The following ABTB3 variants were observed in gnomAD, a reference collection of about 807,000 sequenced individuals.
ABTB3 encodes the protein ankyrin repeat- and BTB/POZ domain-containing protein 3.
the ABTB3 span, among the ~76,000 whole-genome samples, chr12:107,648,625 G>A: frequency 3.9e-5 from 6 of 152,114 alleles, no homozygotes; most frequent in Admixed American, 1.3e-4. Flanking sequence ...CATTGACATC[G>A]TTAGTGATAC....
At chr12:107,436,302 G>C in the ABTB3 span, among the ~76,000 whole-genome samples, 3 of 152,204 alleles carry the variant, frequency 2.0e-5, no homozygotes, top group African/African-American at 7.2e-5. Flanking sequence ...GCAGCTTATT[G>C]ACCGGTCTCT....
chr12:107,590,082 G>T, the ABTB3 span, among the ~76,000 whole-genome samples: 1 of 152,004 alleles, frequency 6.6e-6, no homozygotes, highest in Admixed American at 6.6e-5. Flanking sequence ...GTTAATTCTT[G>T]TATTTTTTTT....
the ABTB3 span, among the ~76,000 whole-genome samples, chr12:107,460,872 T>A: frequency 6.6e-6 from 1 of 152,156 alleles, no homozygotes; most frequent in African/African-American, 2.4e-5. Flanking sequence ...CACGTCCCCC[T>A]GGAACCTCAG....
At chr12:107,342,186 T>C in the ABTB3 span, among the ~76,000 whole-genome samples, 11 of 152,120 alleles carry the variant, frequency 7.2e-5, no homozygotes, top group Non-Finnish European at 1.3e-4. Flanking sequence ...GAATCCTGAG[T>C]TTCCGTTGGG....
At chr12:107,612,722 G>A in the ABTB3 span, 6 of 1,473,456 alleles carry the variant, frequency 4.1e-6, no homozygotes, top group South Asian at 2.4e-5. Flanking sequence ...TGTTATTGTC[G>A]ATTGACCACA....
the ABTB3 span, among the ~76,000 whole-genome samples, chr12:107,654,836 A>ACACG: frequency 5.5e-4 from 82 of 148,226 alleles, no homozygotes; most frequent in African/African-American, 1.3e-3. Context: ...ACACACACAC[A>ACACG]CACACACACA....
chr12:107,352,131 A>G, the ABTB3 span, among the ~76,000 whole-genome samples: 2 of 152,182 alleles, frequency 1.3e-5, no homozygotes, highest in Admixed American at 1.3e-4. Flanking sequence ...CCCAGTCAAC[A>G]GGCTGTTATG....
chr12:107,620,164 G>C, the ABTB3 span: 1 of 1,613,730 alleles, frequency 6.2e-7, no homozygotes, highest in African/African-American at 1.3e-5. Context: ...AAGCGAGCAA[G>C]GTATGTGGGG....
chr12:107,560,600 C>T, the ABTB3 span, among the ~76,000 whole-genome samples: 1 of 152,224 alleles, frequency 6.6e-6, no homozygotes, highest in Admixed American at 6.5e-5. Context: ...TCGCTTTTCA[C>T]ATCTCCAGAG....
the ABTB3 span, among the ~76,000 whole-genome samples, chr12:107,341,786 G>C: frequency 6.6e-6 from 1 of 152,102 alleles, no homozygotes; most frequent in Non-Finnish European, 1.5e-5. Context: ...GATCCCTGTT[G>C]GTTTGGCACT....
the ABTB3 span, among the ~76,000 whole-genome samples, chr12:107,521,756 C>T: frequency 6.7e-6 from 1 of 149,960 alleles, no homozygotes; most frequent in African/African-American, 2.5e-5. Context: ...AGAGGTTTAC[C>T]ACAGGACCTT....
At chr12:107,479,712 C>T in the ABTB3 span, among the ~76,000 whole-genome samples, 1 of 152,094 alleles carries the variant, frequency 6.6e-6, no homozygotes, top group Admixed American at 6.5e-5. Context: ...GATGATCGTG[C>T]TGAAATGTAT....
At chr12:107,630,763 A>G in the ABTB3 span, among the ~76,000 whole-genome samples, 1 of 152,130 alleles carries the variant, frequency 6.6e-6, no homozygotes. Context: ...TTTTTAGGCC[A>G]GTTTTAGATC....
the ABTB3 span, among the ~76,000 whole-genome samples, chr12:107,624,228 T>A: frequency 3.9e-5 from 6 of 151,940 alleles, no homozygotes; most frequent in Admixed American, 1.3e-4. Flanking sequence ...AGTTTTCATT[T>A]TTTGATGAAA....
the ABTB3 span, among the ~76,000 whole-genome samples, chr12:107,606,622 T>C: frequency 6.6e-6 from 1 of 152,198 alleles, no homozygotes; most frequent in East Asian, 1.9e-4. Context: ...GCATGAAGGA[T>C]ATCAGAAGGA....
the ABTB3 span, among the ~76,000 whole-genome samples, chr12:107,603,892 G>A: frequency 7.2e-5 from 11 of 152,230 alleles, no homozygotes; most frequent in East Asian, 1.3e-3. Flanking sequence ...AGTGAGGGCC[G>A]GGCGTGGTGG....
At chr12:107,554,667 TG>T in the ABTB3 span, among the ~76,000 whole-genome samples, 2 of 152,202 alleles carry the variant, frequency 1.3e-5, no homozygotes, top group Non-Finnish European at 2.9e-5. Flanking sequence ...TTGAATCACC[TG>T]GGATCTTCTT....
chr12:107,530,208 CA>C, the ABTB3 span, among the ~76,000 whole-genome samples: 1 of 152,204 alleles, frequency 6.6e-6, no homozygotes, highest in African/African-American at 2.4e-5. Flanking sequence ...ACCTGACCGT[CA>C]GGCTTCCCAG....
At chr12:107,586,659 T>C in the ABTB3 span, among the ~76,000 whole-genome samples, 2 of 152,112 alleles carry the variant, frequency 1.3e-5, no homozygotes, top group African/African-American at 4.8e-5. Context: ...GGGAGTTGCT[T>C]TGGGGCTCAG....
Sources: allele counts gnomAD v4.1 joint callset (sites outside exome capture counted in the v4.1 genomes callset), GRCh38; gene constraint gnomAD v4.1.1; transcripts MANE v1.5; gene names NCBI Gene and HGNC (gene_info 2026-07-23, HGNC 2026-07-21).